Variants in SF3B3 observed in about 807,000 individuals in gnomAD.
The protein encoded by SF3B3 is SAP 130.
In SF3B3, 33 loss-of-function variants were observed where a neutral mutation model predicts 139.2. The observed-to-expected ratio is 0.24, with a 90% CI of 0.18 to 0.32. SF3B3 has a LOEUF of 0.32. SF3B3 is among the 10% of genes least tolerant of loss of function. The pLI is 1.00. For missense variants in SF3B3, 818 were observed against 1,509.4 expected, an observed-to-expected ratio of 0.54 and a Z score of 7.59; for synonymous variants, 596 against 563.6, an observed-to-expected ratio of 1.06 and a Z score of -0.81.
At chr16:70,567,112 A>C (rs1316233807) in intron 20 of SF3B3, among the ~76,000 whole-genome samples, 1 of 152,108 alleles carries the variant, frequency 6.6e-6, no homozygotes, top group Non-Finnish European at 1.5e-5. Context: ...CACAAATTAC[A>C]GTCACTTGGC....
chr16:70,536,860 G>C (rs573055625), intron 6 of SF3B3, among the ~76,000 whole-genome samples: 1 of 149,720 alleles, frequency 6.7e-6, no homozygotes, highest in South Asian at 2.1e-4. Context: ...GCCCAGGCTG[G>C]AGTGCAGTGG....
At position 70,573,225 on chromosome 16, in the gene SF3B3, A is replaced by C. The variant is rs1043888406; in HGVS notation, c.*1412A>C. The C allele has an allele frequency of 3.9e-5, 6 of 152,164 alleles. No individual in the cohort carries two copies. Among genetic ancestry groups the C allele is most frequent in the African/African-American group, 1.4e-4 (6 of 41,440 alleles). 9.4% of individuals were successfully genotyped at this position (152,164 alleles called of 1,614,324 possible). A position where few individuals can be genotyped will look rare whatever the true frequency, so the allele number is the denominator to read the frequency against. Reference sequence around the variant, plus strand: ...ATGTTTTTTTCTCACTTAGCTCATGAATTTGCATAGTAGACAGTAGTTCTG... The same window carrying C: ...ATGTTTTTTTCTCACTTAGCTCATGCATTTGCATAGTAGACAGTAGTTCTG... On this transcript the variant is annotated 3_prime_UTR_variant, in exon 26 of 26. Coordinates refer to ENST00000302516, the MANE Select transcript of SF3B3 (RefSeq NM_012426.5).
chr16:70,575,566 A>G lies in SF3B3; in HGVS notation c.*3753A>G, dbSNP rs1268532740. 1 of 152,244 alleles carries G rather than the reference A, an allele frequency of 6.6e-6. No individual in the cohort carries two copies. Among genetic ancestry groups the G allele is most frequent in the Non-Finnish European group, 1.5e-5 (1 of 68,176 alleles). 9.4% of individuals were successfully genotyped at this position (152,244 alleles called of 1,614,324 possible). A position where few individuals can be genotyped will look rare whatever the true frequency, so the allele number is the denominator to read the frequency against. On this transcript the variant is annotated 3_prime_UTR_variant, in exon 26 of 26. Transcript: ENST00000302516. ...AGAGGCTGCTACGCTCATTTCTTCC[A>G]CAAACGTTTACTGGGCACCTACCAT...
In SF3B3 at chr16:70,564,056, G is replaced by C; in HGVS notation, c.2463+6G>C. ...GAAAGCAGCAGATGGCAGAGGTAAT[G>C]AGACTAACGTTCAGGGGTTCTATTA... On this transcript the variant is annotated splice_donor_region_variant and intron_variant, in intron 18 of 25. Transcript: ENST00000302516. 1 of 1,613,490 alleles carries C rather than the reference G, an allele frequency of 6.2e-7. No individual in the cohort carries two copies. Among genetic ancestry groups the C allele is most frequent in the Non-Finnish European group, 8.5e-7 (1 of 1,179,766 alleles).
chr16:70,528,828 G>C, intron 2 of SF3B3, 45 bp from the exon 3 acceptor site: 2 of 1,455,340 alleles, frequency 1.4e-6, no homozygotes, highest in Non-Finnish European at 9.5e-7. Context: ...ATGGTGGCCA[G>C]GCTGGGTTCT....
chr16:70,533,650 T>C (rs1334294361), intron 5 of SF3B3, among the ~76,000 whole-genome samples: 2 of 152,240 alleles, frequency 1.3e-5, no homozygotes, highest in African/African-American at 4.8e-5. Flanking sequence ...AAAGACTAAA[T>C]GAGTACAGCT....
rs7196699 is a variant in SF3B3, at chr16:70,552,676, G to A, written c.1403-1770G>A. On this transcript the variant is annotated intron_variant, in intron 11 of 25. Transcript: ENST00000302516. ...GTGGATTCCTGGTCTAACCATTAGA[G>A]CATGCCCATTGGGAAAGATCTTTAA... Among the ~76,000 whole-genome samples the A allele has an allele frequency of 6.6e-3, 1,000 of 152,270 alleles. 17 individuals are homozygous for A. The highest frequency in any genetic ancestry group is 0.023 in the African/African-American group (949 of 41,556).
intron 20 of SF3B3, chr16:70,565,814 A>G (rs2050470342): frequency 3.3e-6 from 1 of 304,294 alleles, no homozygotes; most frequent in Non-Finnish European, 6.2e-6. Context: ...AAAATTCAGC[A>G]GTTTAAATAA....
At chr16:70,537,418 T>C (rs533970724) in intron 6 of SF3B3, among the ~76,000 whole-genome samples, 97 of 152,336 alleles carry the variant, frequency 6.4e-4, no homozygotes, top group African/African-American at 2.2e-3. Context: ...TGAATATCCC[T>C]CTTCCCCGGC....
chr16:70,553,680 G>T (rs931720391), intron 11 of SF3B3, among the ~76,000 whole-genome samples: 1 of 128,692 alleles, frequency 7.8e-6, no homozygotes, highest in Non-Finnish European at 1.6e-5. Flanking sequence ...TGGCCTTTAT[G>T]GGATCTGTAG....
At chr16:70,533,791 G>A (rs551037343) in intron 5 of SF3B3, among the ~76,000 whole-genome samples, 1 of 152,238 alleles carries the variant, frequency 6.6e-6, no homozygotes, top group East Asian at 1.9e-4. Flanking sequence ...TAAAAATAAA[G>A]GACAGCACTT....
intron 10 of SF3B3, among the ~76,000 whole-genome samples, chr16:70,546,565 T>C (rs1049623854): frequency 9.2e-5 from 14 of 152,124 alleles, no homozygotes; most frequent in Middle Eastern, 3.4e-3. Flanking sequence ...GGCAGGAGAA[T>C]AGCTTGAACT....
In SF3B3 at chr16:70,528,855, T is replaced by C. The variant is rs2050093024; in HGVS notation, c.71-18T>C. 2 of 1,584,374 alleles carry C rather than the reference T, an allele frequency of 1.3e-6. No homozygotes were observed. Among genetic ancestry groups the C allele is most frequent in the African/African-American group, 1.3e-5 (1 of 74,178 alleles). On this transcript the variant is annotated intron_variant, in intron 2 of 25. Coordinates refer to ENST00000302516, the MANE Select transcript of SF3B3 (RefSeq NM_012426.5). ...CTGGGTTCTGGTTGTTTATGATCTTTATTTTTTGGTGATCTAGGAACCAAA... is the reference window on the plus strand; with the variant it reads ...CTGGGTTCTGGTTGTTTATGATCTTCATTTTTTGGTGATCTAGGAACCAAA...
At chr16:70,561,101 A>G (rs931062116) in intron 16 of SF3B3, among the ~76,000 whole-genome samples, 12 of 151,874 alleles carry the variant, frequency 7.9e-5, no homozygotes, top group Admixed American at 2.6e-4. Context: ...GCTCACTGCA[A>G]CCTCCGCCTC....
chr16:70,542,708 CT>C (rs138202630), intron 9 of SF3B3, among the ~76,000 whole-genome samples: 6,259 of 150,088 alleles, frequency 0.042, 466 homozygotes, highest in African/African-American at 0.14. Flanking sequence ...TGACTAATTT[CT>C]TTTTTTTTCT....
intron 24 of SF3B3, 83 bp downstream of exon 24, chr16:70,570,232 G>A (rs2050515340): frequency 7.7e-7 from 1 of 1,298,528 alleles, no homozygotes; most frequent in South Asian, 1.3e-5. Flanking sequence ...AAATTCATTT[G>A]TCCCCACATA....
intron 20 of SF3B3, chr16:70,565,799 T>G: frequency 2.9e-6 from 1 of 342,408 alleles, no homozygotes; most frequent in South Asian, 4.7e-5. Context: ...CAACAATTTG[T>G]GACCAAAATT....
Position 70,526,968 on chromosome 16 carries a change from C to T in SF3B3, c.70+242C>T, listed in dbSNP as rs1316106713. 7.0e-6 allele frequency: 4 copies of T among 571,136 alleles called. No individual in the cohort carries two copies. In the East Asian group the frequency reaches 1.2e-4, roughly 17 times the overall value. The allele number at this position is 571,136 out of a possible 1,614,324, so 35.4% of individuals were successfully genotyped here. ...AGGGCACACTTTTCTTGGCTGCTTA[C>T]CTAGTGCCAAGTCGTGTGCCTATTG... On this transcript the variant is annotated intron_variant, in intron 2 of 25. Coordinates refer to ENST00000302516, the MANE Select transcript of SF3B3 (RefSeq NM_012426.5).
rs571921472 is a variant in SF3B3, at chr16:70,576,572, G to C, written c.*4759G>C. 7 of 152,162 alleles carry C rather than the reference G, an allele frequency of 4.6e-5. No homozygotes were observed. Among genetic ancestry groups the C allele is most frequent in the Non-Finnish European group, 1.0e-4 (7 of 68,034 alleles). 9.4% of individuals were successfully genotyped at this position (152,162 alleles called of 1,614,324 possible). On this transcript the variant is annotated 3_prime_UTR_variant, in exon 26 of 26. Transcript: ENST00000302516. ...TAAGCTAGTAACACGTGATGGTCAA[G>C]GGAAGTACTACCATTTCCTGTGGGT...
Sources: gnomAD v4.1 joint callset for allele counts (sites outside exome capture counted in the v4.1 genomes callset) on GRCh38, gnomAD v4.1.1 for gene constraint, MANE v1.5 for transcripts, NCBI Gene and HGNC (gene_info 2026-07-23, HGNC 2026-07-21) for gene names.